KLHL29: variants seen among roughly 807,000 people sequenced by gnomAD.
KLHL29 encodes kelch-like protein 29.
A neutral mutation model predicts 80.4 loss-of-function variants in KLHL29; 21 were observed. The observed-to-expected ratio is 0.26, with a 90% CI of 0.19 to 0.38. KLHL29 has a LOEUF of 0.38. KLHL29 is among the 10% of genes least tolerant of loss of function. The pLI is 1.00. For missense variants in KLHL29, 867 were observed against 1,223.9 expected (o/e 0.71, Z 4.35); for synonymous variants, 511 against 526.8 (o/e 0.97, Z 0.41).
intron 1 of KLHL29, among the ~76,000 whole-genome samples, chr2:23,420,251 C>T (rs937783834): frequency 6.6e-6 from 1 of 152,208 alleles, no homozygotes; most frequent in African/African-American, 2.4e-5. Context: ...TGGAACTCGC[C>T]CACCTTGTGG....
At chr2:23,598,325 A>AT (rs2103521501) in intron 3 of KLHL29, among the ~76,000 whole-genome samples, 1 of 152,342 alleles carries the variant, frequency 6.6e-6, no homozygotes, top group African/African-American at 2.4e-5. Flanking sequence ...ATCTTGCAAG[A>AT]TGTTGAAGTC....
Position 23,408,263 on chromosome 2 carries a change from T to TAAAAAAAAAAAAAAAAA in KLHL29, c.-154+22505_-154+22521dup, listed in dbSNP as rs55790582. ...GAGGAAATTTAGAAGCATTTCACGC[T>TAAAAAAAAAAAAAAAAA]AAAAAAAAAAAAAAAAAAAAAAAAA... On this transcript the variant is annotated intron_variant, in intron 1 of 13. Coordinates refer to ENST00000486442, the MANE Select transcript of KLHL29 (RefSeq NM_052920.2). Among the ~76,000 whole-genome samples, 6 of 52,686 alleles carry TAAAAAAAAAAAAAAAAA rather than the reference T, an allele frequency of 1.1e-4. 2 individuals are homozygous for TAAAAAAAAAAAAAAAAA. Among genetic ancestry groups the TAAAAAAAAAAAAAAAAA allele is most frequent in the Non-Finnish European group, 2.0e-4 (6 of 29,406 alleles). The allele number at this position is 52,686 out of a possible 152,430, so 34.6% of individuals were successfully genotyped here.
chr2:23,554,218 G>A (rs925227724), intron 2 of KLHL29, among the ~76,000 whole-genome samples: 3 of 152,254 alleles, frequency 2.0e-5, no homozygotes, highest in African/African-American at 7.2e-5. Context: ...TGCCAAGATG[G>A]TGTTCTGGCT....
At chr2:23,599,896 T>C (rs1393150221) in intron 3 of KLHL29, among the ~76,000 whole-genome samples, 1 of 152,232 alleles carries the variant, frequency 6.6e-6, no homozygotes, top group Admixed American at 6.5e-5. Flanking sequence ...CAGCCATGGC[T>C]GCCTGGGTTC....
chr2:23,492,226 G>A (rs1276851277), intron 2 of KLHL29, among the ~76,000 whole-genome samples: 1 of 152,186 alleles, frequency 6.6e-6, no homozygotes, highest in Admixed American at 6.5e-5. Context: ...CTCCACCTGG[G>A]ATGCTATTCC....
At chr2:23,635,841 T>C (rs746425262) in intron 3 of KLHL29, among the ~76,000 whole-genome samples, 26 of 152,204 alleles carry the variant, frequency 1.7e-4, no homozygotes, top group Non-Finnish European at 5.9e-5. Flanking sequence ...TCTGGGTGGC[T>C]TCACTGGTGT....
At chr2:23,572,764 G>C (rs1183355604) in intron 3 of KLHL29, among the ~76,000 whole-genome samples, 1 of 149,748 alleles carries the variant, frequency 6.7e-6, no homozygotes, top group African/African-American at 2.5e-5. Context: ...GCAGTGGCAC[G>C]ATCTCAGCTC....
At chr2:23,663,413 G>C (rs1358925456) in intron 5 of KLHL29, among the ~76,000 whole-genome samples, 2 of 152,216 alleles carry the variant, frequency 1.3e-5, no homozygotes, top group Non-Finnish European at 2.9e-5. Context: ...CGTCCACTCG[G>C]GCCGCCCCGC....
At chr2:23,448,391 C>T (rs1031494887) in intron 1 of KLHL29, among the ~76,000 whole-genome samples, 1 of 152,172 alleles carries the variant, frequency 6.6e-6, no homozygotes. Flanking sequence ...TCCCTTAAAC[C>T]ATGAGGAAAC....
intron 3 of KLHL29, among the ~76,000 whole-genome samples, chr2:23,592,369 G>A (rs1668290350): frequency 6.6e-6 from 1 of 152,250 alleles, no homozygotes; most frequent in Admixed American, 6.5e-5. Context: ...GAGTCCTAGA[G>A]GCTGAGCCCT....
intron 1 of KLHL29, among the ~76,000 whole-genome samples, chr2:23,460,577 A>C (rs1377719985): frequency 6.6e-6 from 1 of 152,146 alleles, no homozygotes. Flanking sequence ...TGGTAACTAC[A>C]GGAGCTCAGA....
intron 5 of KLHL29, chr2:23,668,555 A>T (rs1670618726): frequency 6.6e-6 from 1 of 152,338 alleles, no homozygotes; most frequent in East Asian, 1.9e-4. Flanking sequence ...TCCAGGGAGG[A>T]GGGAAGTGGT....
At chr2:23,392,820 C>T (rs967550877) in intron 1 of KLHL29, among the ~76,000 whole-genome samples, 1 of 152,178 alleles carries the variant, frequency 6.6e-6, no homozygotes, top group Non-Finnish European at 1.5e-5. Context: ...CTGCCTGTAC[C>T]AGGTACTGTG....
In KLHL29 at chr2:23,695,940, T is replaced by C. The variant is rs1671927303; in HGVS notation, c.1742-11T>C. The C allele has an allele frequency of 2.6e-6, 4 of 1,550,472 alleles. No homozygotes were observed. In the Admixed American group the frequency reaches 7.9e-5, roughly 30 times the overall value. On this transcript the variant is annotated splice_polypyrimidine_tract_variant and intron_variant, in intron 9 of 13. Transcript: ENST00000486442. This position sits in a 1 kb window ranked among gnomAD's most constrained non-coding sequence, Gnocchi z 7.6. Reference sequence around the variant, plus strand: ...AGTGTGTCCCAAGGGCGCCCATCCATGTCCCTGCAGGTGTGGCTGAGGTCA... The same window carrying C: ...AGTGTGTCCCAAGGGCGCCCATCCACGTCCCTGCAGGTGTGGCTGAGGTCA...
At chr2:23,549,236 C>T (rs965126739) in intron 2 of KLHL29, among the ~76,000 whole-genome samples, 1 of 152,136 alleles carries the variant, frequency 6.6e-6, no homozygotes, top group African/African-American at 2.4e-5. Flanking sequence ...GGCTGCCCAG[C>T]GGGGGTGGAA....
intron 1 of KLHL29, among the ~76,000 whole-genome samples, chr2:23,455,475 C>T (rs1165986579): frequency 6.6e-6 from 1 of 152,052 alleles, no homozygotes; most frequent in African/African-American, 2.4e-5. Context: ...AGTGGAAATC[C>T]AGTTAATGTA....
intron 2 of KLHL29, among the ~76,000 whole-genome samples, chr2:23,550,617 A>G (rs1667099965): frequency 6.6e-6 from 1 of 152,214 alleles, no homozygotes; most frequent in African/African-American, 2.4e-5. Flanking sequence ...CACAGGCAGT[A>G]TGATCTGCCG....
intron 2 of KLHL29, among the ~76,000 whole-genome samples, chr2:23,522,657 T>C (rs915034926): frequency 2.0e-5 from 3 of 152,206 alleles, no homozygotes; most frequent in Middle Eastern, 3.4e-3. Context: ...CAAAGTAGGC[T>C]GGTAGCCTTG....
chr2:23,568,785 G>T (rs1667649036), intron 3 of KLHL29, among the ~76,000 whole-genome samples: 1 of 152,198 alleles, frequency 6.6e-6, no homozygotes, highest in Non-Finnish European at 1.5e-5. Flanking sequence ...TCTACCCATG[G>T]AGTGTTCCCA....
Sources: gnomAD v4.1 joint callset for allele counts (sites outside exome capture counted in the v4.1 genomes callset) on GRCh38, gnomAD v4.1.1 for gene constraint, Gnocchi (gnomAD v3.1) non-coding constraint, MANE v1.5 for transcripts, NCBI Gene and HGNC (gene_info 2026-07-23, HGNC 2026-07-21) for gene names.